The following DNPH1 variants were observed in gnomAD, a reference collection of about 807,000 sequenced individuals.
DNPH1 encodes the protein 2'-deoxynucleoside 5'-phosphate N-hydrolase 1, also known as 5-hydroxymethyl-dUMP N-hydrolase.
Under a neutral mutation model 15.7 loss-of-function variants are expected in DNPH1, and 18 were observed. That is an observed-to-expected ratio of 1.15 (90% CI 0.79 to 1.70). DNPH1 has a LOEUF of 1.70. DNPH1 is among the 40% of genes most tolerant of loss of function. DNPH1 has a pLI of 0.00. For synonymous variants in DNPH1, 114 were observed against 107.9 expected, an observed-to-expected ratio of 1.06 and a Z score of -0.35; for missense variants, 262 against 255.2, an observed-to-expected ratio of 1.03 and a Z score of -0.18.
Position 43,225,860 on chromosome 6 carries a change from C to T in DNPH1, c.398G>A (p.Gly133Glu), listed in dbSNP as rs1300155498. The T allele has an allele frequency of 6.2e-7, 1 of 1,614,168 alleles. No individual in the cohort carries two copies. The highest frequency in any genetic ancestry group is 1.3e-5 in the African/African-American group (1 of 75,032). The change falls in exon 4 of 4, where the codon GGA becomes GAA. Residue 133 changes from glycine (G) to glutamate (E), a missense_variant. Transcript: ENST00000230431. ...CTGGAACCGAGAGCCATCTGCTGCT[C>T]CCCGGATCATGGCCGAAAGCACTGG... The part of the protein sequence containing the change: ...SGRVLSAMIR[G>E]AADGSRFQVW...
In DNPH1 at chr6:43,229,257, T is replaced by A; in HGVS notation, c.196+4A>T. ...CCCCGCGTCCCGCGGCCCCAGGGCC[T>A]CACCGCGCGCGCCCAGCTCGGCGGC... On this transcript the variant is annotated splice_donor_region_variant and intron_variant, in intron 1 of 3. Transcript: ENST00000230431. The A allele has an allele frequency of 1.4e-6, 2 of 1,413,676 alleles. No individual in the cohort carries two copies. The highest frequency in any genetic ancestry group is 1.8e-6 in the Non-Finnish European group (2 of 1,082,254). 87.6% of individuals were successfully genotyped at this position (1,413,676 alleles called of 1,614,324 possible). A position where few individuals can be genotyped will look rare whatever the true frequency, so the allele number is the denominator to read the frequency against.
Position 43,226,046 on chromosome 6 carries a change from C to G in DNPH1, c.363G>C (p.Pro121=), listed in dbSNP as rs116085576. Reference sequence around the variant, plus strand: ...TGGGGTGCTCACCGCGGCCAGACTGCGGGCGGAACAGGCACAGGATCCGCT... The same window carrying G: ...TGGGGTGCTCACCGCGGCCAGACTGGGGGCGGAACAGGCACAGGATCCGCT... ...FNKRILCLFR[P]QSGRVLSAMI... Residue 121 remains proline, a synonymous_variant, in exon 3 of 4, where the codon CCG becomes CCC. Coordinates refer to ENST00000230431, the MANE Select transcript of DNPH1 (RefSeq NM_006443.3). The surrounding 1 kb of genome is among the most constrained non-coding windows in gnomAD (Gnocchi z 4.1). 4.3e-6 allele frequency: 7 copies of G among 1,613,768 alleles called. No individual in the cohort carries two copies. Among genetic ancestry groups the G allele is most frequent in the Non-Finnish European group, 5.9e-6 (7 of 1,179,920 alleles).
rs191621246 is a variant in DNPH1 at position 43,227,148 on chromosome 6, G to C, written c.197-753C>G. On this transcript the variant is annotated intron_variant, in intron 1 of 3. Coordinates refer to ENST00000230431, the MANE Select transcript of DNPH1 (RefSeq NM_006443.3). ...AGTACAGATTCGGGCCAGGCGCGGT[G>C]GCTCACGCCTGTAATCCCAGCACTT... 5.2e-3 allele frequency among the ~76,000 whole-genome samples: 788 copies of C among 151,362 alleles called. 3 individuals are homozygous for C. The highest frequency in any genetic ancestry group is 8.4e-3 in the Non-Finnish European group (570 of 67,938).
rs1321988970 is a variant in DNPH1 at position 43,229,400 on chromosome 6, G to T, written c.57C>A (p.Gly19=). 6.9e-7 allele frequency: 1 copy of T among 1,438,902 alleles called. No individual in the cohort carries two copies. The highest frequency in any genetic ancestry group is 2.5e-5 in the Admixed American group (1 of 40,200). 89.1% of individuals were successfully genotyped at this position (1,438,902 alleles called of 1,614,324 possible). A position where few individuals can be genotyped will look rare whatever the true frequency, so the allele number is the denominator to read the frequency against. The change falls in exon 1 of 4, where the codon GGC becomes GGA. Residue 19 remains glycine, a synonymous_variant. Transcript: ENST00000230431. ...TCCCGCAGAAGTACAGGGCCGGGCG[G>T]CCAGGCTCCCCGCGCTCCCAGCTCT... ...RSESWERGEP[G]RPALYFCGSI...
In DNPH1 at chr6:43,226,221, T is replaced by A; in HGVS notation, c.266-78A>T. ...AAGGAAGACGACGGTGTGGCTGTGGTGAGGAGGGAACTCTGGGAGTCCCTT... is the reference window on the plus strand; with the variant it reads ...AAGGAAGACGACGGTGTGGCTGTGGAGAGGAGGGAACTCTGGGAGTCCCTT... On this transcript the variant is annotated intron_variant, in intron 2 of 3. Coordinates refer to ENST00000230431, the MANE Select transcript of DNPH1 (RefSeq NM_006443.3). The surrounding 1 kb of genome is among the most constrained non-coding windows in gnomAD (Gnocchi z 4.1). 1 of 1,601,220 alleles carries A rather than the reference T, an allele frequency of 6.2e-7. No individual in the cohort carries two copies. The highest frequency in any genetic ancestry group is 2.2e-5 in the East Asian group (1 of 44,674).
Position 43,226,585 on chromosome 6 carries a change from A to G in DNPH1, c.197-190T>C, listed in dbSNP as rs183580140. 26 of 581,036 alleles carry G rather than the reference A, an allele frequency of 4.5e-5. No individual in the cohort carries two copies. In the Admixed American group the frequency reaches 5.8e-4, roughly 13 times the overall value. 36.0% of individuals were successfully genotyped at this position (581,036 alleles called of 1,614,324 possible). On this transcript the variant is annotated intron_variant, in intron 1 of 3. Transcript: ENST00000230431. The surrounding 1 kb of genome is among the most constrained non-coding windows in gnomAD (Gnocchi z 4.1). ...GCCACAAAAAGAAAAATTCAACCCT[A>G]TGCAAGGTGGGACATGTGATTAGGG...
chr6:43,226,261 T>G lies in DNPH1; in HGVS notation c.265+66A>C. On this transcript the variant is annotated intron_variant, in intron 2 of 3. Transcript: ENST00000230431. The surrounding 1 kb of genome is among the most constrained non-coding windows in gnomAD (Gnocchi z 4.1). ...GGGAGTCCCTTCTAGGTGTGGAGGCTGGGATGTCCAGGGGAACCCAGCACT... is the reference window on the plus strand; with the variant it reads ...GGGAGTCCCTTCTAGGTGTGGAGGCGGGGATGTCCAGGGGAACCCAGCACT... 6.2e-7 allele frequency: 1 copy of G among 1,602,034 alleles called. No individual in the cohort carries two copies. The highest frequency in any genetic ancestry group is 8.5e-7 in the Non-Finnish European group (1 of 1,174,868).
chr6:43,229,305 G>T lies in DNPH1; in HGVS notation c.152C>A (p.Thr51Lys). The T allele has an allele frequency of 6.8e-7, 1 of 1,481,368 alleles. No individual in the cohort carries two copies. 91.8% of individuals were successfully genotyped at this position (1,481,368 alleles called of 1,614,324 possible). Residue 51 changes from threonine (T) to lysine (K), a missense_variant, in exon 1 of 4, where the codon ACA (threonine) becomes AAA (lysine). Transcript: ENST00000230431. ...GGCCGCCACGTGCTCGGTGAGCACT[G>T]TCCCGAATCGCCGCAGCCGAGACAC... is the stretch of plus-strand genomic sequence containing the variant. Reference protein sequence around the residue: ...RIVSRLRRFGTVLTEHVAAAE... With the variant: ...RIVSRLRRFGKVLTEHVAAAE...
At position 43,226,070 on chromosome 6, in the gene DNPH1, C is replaced by T. The variant is rs1776728067; in HGVS notation, c.339G>A (p.Lys113=). The T allele has an allele frequency of 3.1e-6, 5 of 1,613,704 alleles. No homozygotes were observed. In the African/African-American group the frequency reaches 5.3e-5, roughly 17 times the overall value. The change falls in exon 3 of 4, where the codon AAG becomes AAA. Residue 113 remains lysine, a synonymous_variant. Transcript: ENST00000230431. The surrounding 1 kb of genome is among the most constrained non-coding windows in gnomAD (Gnocchi z 4.1). Reference sequence around the variant, plus strand: ...GCGGGCGGAACAGGCACAGGATCCGCTTGTTAAAGGCCACGGCCCGGCCCA... The same window carrying T: ...GCGGGCGGAACAGGCACAGGATCCGTTTGTTAAAGGCCACGGCCCGGCCCA... ...YELGRAVAFN[K]RILCLFRPQS...
At chr6:43,229,011 G>A in intron 1 of DNPH1, 1 of 392,784 alleles carries the variant, frequency 2.5e-6, no homozygotes, top group South Asian at 2.0e-5. Flanking sequence ...AGTTCTCCAA[G>A]AAGGAACCAA....
chr6:43,225,634 A>T lies in DNPH1; in HGVS notation c.*99T>A. ...GACTCACACAAGACAGAAAGTTAGG[A>T]TTTTAACTGTACCTTTTAATTTGCT... On this transcript the variant is annotated 3_prime_UTR_variant, in exon 4 of 4. Transcript: ENST00000230431. 1.4e-6 allele frequency: 2 copies of T among 1,468,868 alleles called. No homozygotes were observed. The highest frequency in any genetic ancestry group is 1.8e-4 in the Middle Eastern group (1 of 5,640). 91.0% of individuals were successfully genotyped at this position (1,468,868 alleles called of 1,614,324 possible).
chr6:43,228,635 G>A (rs1776777426), intron 1 of DNPH1, among the ~76,000 whole-genome samples: 1 of 152,134 alleles, frequency 6.6e-6, no homozygotes, highest in Admixed American at 6.5e-5. Flanking sequence ...AAACCAGCCT[G>A]ACCAATATGG....
In DNPH1 at chr6:43,229,436, C is replaced by T. The variant is rs1035409317; in HGVS notation, c.21G>A (p.Pro7=). The T allele has an allele frequency of 7.3e-7, 1 of 1,374,390 alleles. No homozygotes were observed. Among genetic ancestry groups the T allele is most frequent in the South Asian group, 1.7e-5 (1 of 59,916 alleles). 85.1% of individuals were successfully genotyped at this position (1,374,390 alleles called of 1,614,324 possible). A position where few individuals can be genotyped will look rare whatever the true frequency, so the allele number is the denominator to read the frequency against. The change falls in exon 1 of 4, where the codon CCG becomes CCA. Residue 7 remains proline (P), a synonymous_variant. Coordinates refer to ENST00000230431, the MANE Select transcript of DNPH1 (RefSeq NM_006443.3). The part of the protein sequence containing the change: MAAAMV[P]GRSESWERGE... ...CGCGCTCCCAGCTCTCGCTGCGCCCCGGCACCATGGCAGCAGCCATTCCCC... is the reference window on the plus strand; with the variant it reads ...CGCGCTCCCAGCTCTCGCTGCGCCCTGGCACCATGGCAGCAGCCATTCCCC...
chr6:43,225,665 G>A lies in DNPH1; in HGVS notation c.*68C>T. ...ACTGTACCTTTTAATTTGCTCCTGG[G>A]GCTAAGAGGAAGGAATGGTACTAGA... On this transcript the variant is annotated 3_prime_UTR_variant, in exon 4 of 4. Coordinates refer to ENST00000230431, the MANE Select transcript of DNPH1 (RefSeq NM_006443.3). 2 of 1,577,296 alleles carry A rather than the reference G, an allele frequency of 1.3e-6. No homozygotes were observed. Among genetic ancestry groups the A allele is most frequent in the South Asian group, 1.1e-5 (1 of 89,838 alleles).
Position 43,225,654 on chromosome 6 carries a change from T to C in DNPH1, c.*79A>G, listed in dbSNP as rs934216689. 332 of 1,553,074 alleles carry C rather than the reference T, an allele frequency of 2.1e-4. 1 individual carries two copies. The highest frequency in any genetic ancestry group is 1.7e-4 in the Middle Eastern group (1 of 5,904). The stretch of plus-strand genomic sequence containing the variant: ...TTAGGATTTTAACTGTACCTTTTAA[T>C]TTGCTCCTGGGGCTAAGAGGAAGGA... On this transcript the variant is annotated 3_prime_UTR_variant, in exon 4 of 4. Transcript: ENST00000230431.
At chr6:43,228,552 G>T (rs1458840595) in intron 1 of DNPH1, among the ~76,000 whole-genome samples, 1 of 151,630 alleles carries the variant, frequency 6.6e-6, no homozygotes, top group African/African-American at 2.4e-5. Context: ...CAGGCCCTGG[G>T]CGGTGGCTCC....
In DNPH1 at chr6:43,226,589, A is replaced by G. The variant is rs1776747218; in HGVS notation, c.197-194T>C. The G allele has an allele frequency of 1.7e-6, 1 of 579,854 alleles. No individual in the cohort carries two copies. The highest frequency in any genetic ancestry group is 3.1e-6 in the Non-Finnish European group (1 of 327,498). 35.9% of individuals were successfully genotyped at this position (579,854 alleles called of 1,614,324 possible). A position where few individuals can be genotyped will look rare whatever the true frequency, so the allele number is the denominator to read the frequency against. On this transcript the variant is annotated intron_variant, in intron 1 of 3. Transcript: ENST00000230431. The surrounding 1 kb of genome is among the most constrained non-coding windows in gnomAD (Gnocchi z 4.1). ...CAAAAAGAAAAATTCAACCCTATGC[A>G]AGGTGGGACATGTGATTAGGGCCGA... is the stretch of plus-strand genomic sequence containing the variant.
intron 1 of DNPH1, among the ~76,000 whole-genome samples, chr6:43,227,461 C>G (rs898914484): frequency 1.3e-5 from 2 of 151,968 alleles, no homozygotes; most frequent in Non-Finnish European, 2.9e-5. Context: ...CCCAGATGAT[C>G]AGAACCTGCA....
Position 43,225,659 on chromosome 6 carries a change from T to C in DNPH1, c.*74A>G. ...ATTTTAACTGTACCTTTTAATTTGC[T>C]CCTGGGGCTAAGAGGAAGGAATGGT... On this transcript the variant is annotated 3_prime_UTR_variant, in exon 4 of 4. Coordinates refer to ENST00000230431, the MANE Select transcript of DNPH1 (RefSeq NM_006443.3). 1 of 1,564,884 alleles carries C rather than the reference T, an allele frequency of 6.4e-7. No individual in the cohort carries two copies. Among genetic ancestry groups the C allele is most frequent in the Non-Finnish European group, 8.7e-7 (1 of 1,146,928 alleles).
Sources: gnomAD v4.1 joint callset for allele counts (sites outside exome capture counted in the v4.1 genomes callset) on GRCh38, gnomAD v4.1.1 for gene constraint, Gnocchi (gnomAD v3.1) non-coding constraint, MANE v1.5 for transcripts, NCBI Gene and HGNC (gene_info 2026-07-23, HGNC 2026-07-21) for gene names.